The following IRF7 variants were observed in gnomAD, a reference collection of about 807,000 sequenced individuals.
IRF7 encodes the protein interferon regulatory factor-7H.
In IRF7, 67 loss-of-function variants were observed where a neutral mutation model predicts 51.3. The ratio of observed to expected loss-of-function variants is 1.31; its 90% CI spans 1.07 to 1.60. The LOEUF (loss-of-function observed/expected upper bound fraction) is 1.60. Among genes scored for constraint, IRF7 ranks in the 40% most tolerant of loss-of-function variants. The pLI, the probability that IRF7 is intolerant of heterozygous loss-of-function variation, is 0.00. For missense variants in IRF7, 873 were observed against 701.5 expected, an observed-to-expected ratio of 1.24 and a Z score of -2.76; for synonymous variants, 427 against 301.3, an observed-to-expected ratio of 1.42 and a Z score of -4.32.
chr11:613,746 T>C, intron 8 of IRF7, 39 bp downstream of exon 8: 2 of 866,976 alleles, frequency 2.3e-6, no homozygotes, highest in Non-Finnish European at 2.9e-6. Flanking sequence ...GTGACGGGGG[T>C]GGGCGGGGAC....
rs545822500 is a variant in IRF7, at chr11:614,939, C to G, written c.252G>C (p.Glu84Asp). 1.3e-6 allele frequency: 2 copies of G among 1,577,342 alleles called. No homozygotes were observed. Among genetic ancestry groups the G allele is most frequent in the African/African-American group, 2.7e-5 (2 of 74,274 alleles). ...TTTTCCAGCCGGCGCGCTCCGCAGTCTCAGCCTCGGGGGGCGGGCCACCTC... is the reference window on the plus strand; with the variant it reads ...TTTTCCAGCCGGCGCGCTCCGCAGTGTCAGCCTCGGGGGGCGGGCCACCTC... ...SRGGGPPPEA[E>D]TAERAGWKTN... The change falls in exon 4 of 11, where the codon GAG becomes GAC. Residue 84 changes from glutamate to aspartate, a missense_variant. Physicochemically the swap from Glu to Asp is conservative, Grantham distance 45 (BLOSUM62 2). Transcript: ENST00000525445.
rs1464598658 is a variant in IRF7 at position 613,485 on chromosome 11, C to T, written c.958G>A (p.Ala320Thr). ...TGCTGGGGGTCTGTGGCCCGGACAG[C>T]TGGGTCTGGGGGGCCGTATAGGAAC... ...CTFLYGPPDP[A>T]VRATDPQQVA... is the part of the protein sequence containing the mutation. Residue 320 changes from alanine (A) to threonine (T), a missense_variant, in exon 9 of 11, where the codon GCT (alanine) becomes ACT (threonine). By Grantham distance (58) the Ala-to-Thr change is moderately conservative. Transcript: ENST00000525445. 1 of 1,542,908 alleles carries T rather than the reference C, an allele frequency of 6.5e-7. No individual in the cohort carries two copies. Among genetic ancestry groups the T allele is most frequent in the Admixed American group, 2.0e-5 (1 of 49,168 alleles).
chr11:614,335 G>A lies in IRF7; in HGVS notation c.518C>T (p.Pro173Leu), dbSNP rs758907143. The stretch of plus-strand genomic sequence containing the variant: ...GTCCCCCTTGTCACCAGCTGGGGCA[G>A]GGAGGGGGCCTGGGGCTTGGAGTCC... ...HAGLQAPGPL[P>L]APAGDKGDLL... Residue 173 changes from proline (P) to leucine (L), a missense_variant, in exon 6 of 11, where the codon CCT (proline) becomes CTT (leucine). By Grantham distance (98) the Pro-to-Leu change is moderately conservative. Coordinates refer to ENST00000525445, the MANE Select transcript of IRF7 (RefSeq NM_001572.5). 2 of 1,611,118 alleles carry A rather than the reference G, an allele frequency of 1.2e-6. No homozygotes were observed. Among genetic ancestry groups the A allele is most frequent in the East Asian group, 4.5e-5 (2 of 44,854 alleles).
At chr11:614,717 C>T in intron 4 of IRF7, 80 bp downstream of exon 4, 1 of 1,464,526 alleles carries the variant, frequency 6.8e-7, no homozygotes, top group South Asian at 1.3e-5. Flanking sequence ...GCTTCTAAAA[C>T]CACAAATCTG....
At position 613,807 on chromosome 11, in the gene IRF7, T is replaced by TG. The variant is rs1407707198; in HGVS notation, c.824dup (p.Ser276LysfsTer126). ...CACCTTGCACCGCGGTGCAGGCGCTTGGGGAGGGTGACAGGTACGGCTCTG... is the reference window on the plus strand; with the variant it reads ...CACCTTGCACCGCGGTGCAGGCGCTTGGGGGAGGGTGACAGGTACGGCTCTG... On this transcript the variant is annotated frameshift_variant, in exon 8 of 11. Coordinates refer to ENST00000525445, the MANE Select transcript of IRF7 (RefSeq NM_001572.5). LOFTEE classifies it high-confidence loss of function. 6.4e-7 allele frequency: 1 copy of TG among 1,573,782 alleles called. No homozygotes were observed. The highest frequency in any genetic ancestry group is 8.6e-7 in the Non-Finnish European group (1 of 1,167,892).
chr11:613,773 G>C lies in IRF7; in HGVS notation c.847+12C>G, dbSNP rs778859679. ...GGCGGGGACAGGCTGCCCCTTCCTG[G>C]GATGCACTCACCTTGCACCGCGGTG... On this transcript the variant is annotated intron_variant, in intron 8 of 10. Coordinates refer to ENST00000525445, the MANE Select transcript of IRF7 (RefSeq NM_001572.5). 1 of 1,537,692 alleles carries C rather than the reference G, an allele frequency of 6.5e-7. No homozygotes were observed. The highest frequency in any genetic ancestry group is 1.4e-5 in the African/African-American group (1 of 71,686).
intron 10 of IRF7, 41 bp downstream of exon 10, chr11:612,958 C>T (rs749532271): frequency 6.9e-6 from 11 of 1,601,426 alleles, no homozygotes; most frequent in African/African-American, 4.0e-5. Flanking sequence ...TGTCAGTGGG[C>T]CTGAGCACAT....
rs746896151 is a variant in IRF7, at chr11:614,856, G to T, written c.335C>A (p.Ser112Ter). The change falls in exon 4 of 11, where the codon TCG becomes TAG. Residue 112 changes from serine (S) to a stop codon, truncating the protein, a stop_gained. Transcript: ENST00000525445. LOFTEE classifies it high-confidence loss of function. Reference protein sequence around the residue: ...TRRFVMLRDNSGDPADPHKVY... With the variant: ...TRRFVMLRDN Reference sequence around the variant, plus strand: ...CTTGTGCGGGTCGGCCGGGTCCCCCGAGTTATCCCGCAGCATCACGAAGCG... The same window carrying T: ...CTTGTGCGGGTCGGCCGGGTCCCCCTAGTTATCCCGCAGCATCACGAAGCG... The T allele has an allele frequency of 6.4e-7, 1 of 1,570,554 alleles. No homozygotes were observed. Among genetic ancestry groups the T allele is most frequent in the East Asian group, 2.4e-5 (1 of 41,990 alleles).
chr11:615,235 T>C lies in IRF7; in HGVS notation c.45A>G (p.Gly15=), dbSNP rs1856771954. 2.5e-6 allele frequency: 4 copies of C among 1,590,716 alleles called. No homozygotes were observed. The South Asian group carries it at 4.5e-5, about 18-fold the overall frequency. ...PERAAPRVLF[G]EWLLGEISSG... ...TGCTGATCTCTCCAAGGAGCCACTC[T>C]CCGAACAGCACGCGTGGGGCTGCCC... Residue 15 remains glycine, a synonymous_variant, in exon 3 of 11, where the codon GGA becomes GGG. Coordinates refer to ENST00000525445, the MANE Select transcript of IRF7 (RefSeq NM_001572.5).
rs1856544445 is a variant in IRF7, at chr11:613,199, C to T, written c.1237+7G>A. ...GAGACAGCCCCCCAGGCAAGGGCCT[C>T]ACTGACCTTGGAAGAAGACTCTGAA... On this transcript the variant is annotated splice_region_variant and intron_variant, in intron 9 of 10. Coordinates refer to ENST00000525445, the MANE Select transcript of IRF7 (RefSeq NM_001572.5). 6.3e-7 allele frequency: 1 copy of T among 1,590,472 alleles called. No homozygotes were observed. The highest frequency in any genetic ancestry group is 1.1e-5 in the South Asian group (1 of 89,124).
chr11:614,213 C>T lies in IRF7; in HGVS notation c.640G>A (p.Gly214Arg), dbSNP rs2133142034. Residue 214 changes from glycine (G) to arginine (R), a missense_variant, in exon 6 of 11, where the codon GGA (glycine) becomes AGA (arginine). Transcript: ENST00000525445. ...CCAGTCAGGGGAAGCCCTTCTTGTC[C>T]CTCTCCAGGAGCCTTGGTTGGGACT... ...DPVPTKAPGE[G>R]QEGLPLTGAC... The T allele has an allele frequency of 8.7e-6, 14 of 1,613,038 alleles. No individual in the cohort carries two copies. Among genetic ancestry groups the T allele is most frequent in the Non-Finnish European group, 1.1e-5 (13 of 1,179,934 alleles).
In IRF7 at chr11:613,573, G is replaced by C. The variant is rs1259533157; in HGVS notation, c.870C>G (p.Asp290Glu). The C allele has an allele frequency of 1.3e-6, 2 of 1,573,532 alleles. No individual in the cohort carries two copies. The highest frequency in any genetic ancestry group is 1.7e-6 in the Non-Finnish European group (2 of 1,162,448). ...TGCGGCCCTTGTACATGATGGTCAC[G>C]TCCAGCGCCCCTGGGCTGGGCTCTG... ...AVQEPSPGAL[D>E]VTIMYKGRTV... The change falls in exon 9 of 11, where the codon GAC (aspartate) becomes GAG (glutamate). Residue 290 changes from aspartate to glutamate, a missense_variant. Physicochemically the swap from Asp to Glu is conservative, Grantham distance 45. Transcript: ENST00000525445.
Position 613,428 on chromosome 11 carries a change from C to G in IRF7, c.1015G>C (p.Asp339His), listed in dbSNP as rs369518038. The G allele has an allele frequency of 2.8e-5, 44 of 1,563,338 alleles. No individual in the cohort carries two copies. The highest frequency in any genetic ancestry group is 3.8e-5 in the Non-Finnish European group (44 of 1,154,836). The change falls in exon 9 of 11, where the codon GAC becomes CAC. Residue 339 changes from aspartate (D) to histidine (H), a missense_variant. Coordinates refer to ENST00000525445, the MANE Select transcript of IRF7 (RefSeq NM_001572.5). The stretch of plus-strand genomic sequence containing the variant: ...TCCGTGTAGCGCAGCTGCTTCTGGT[C>G]CGGGAGCTCGGCAGGGCTGGGGAAT... ...VAFPSPAELP[D>H]QKQLRYTEEL...
At chr11:614,666 C>T (rs1425008230) in intron 4 of IRF7, 131 bp downstream of exon 4, 1 of 1,391,688 alleles carries the variant, frequency 7.2e-7, no homozygotes. Flanking sequence ...GGATGTGGCT[C>T]TCCACCTGTC....
chr11:614,118 C>G (rs1856663122), intron 6 of IRF7, 56 bp downstream of exon 6: 2 of 1,584,100 alleles, frequency 1.3e-6, no homozygotes, highest in Admixed American at 1.7e-5. Context: ...TCTAAAGTGT[C>G]CGTCCAGGTG....
At position 612,638 on chromosome 11, in the gene IRF7, C is replaced by T. The variant is rs761640215; in HGVS notation, c.*7G>A. On this transcript the variant is annotated 3_prime_UTR_variant, in exon 11 of 11. Transcript: ENST00000525445. ...CCAGCTTTCTGGAGTTCTCATTAGA[C>T]TGGGTTCTAGGCGGGCTGCTCCAGC... 1.2e-6 allele frequency: 2 copies of T among 1,612,356 alleles called. No homozygotes were observed. Among genetic ancestry groups the T allele is most frequent in the African/African-American group, 2.7e-5 (2 of 75,030 alleles).
At chr11:613,688 T>C in intron 8 of IRF7, 93 bp from the exon 9 acceptor site, 1 of 164,548 alleles carries the variant, frequency 6.1e-6, no homozygotes, top group East Asian at 1.7e-4. Flanking sequence ...GTGACGGGGG[T>C]GGGCGGGGAC....
chr11:614,535 C>G lies in IRF7; in HGVS notation c.395-1G>C. The G allele has an allele frequency of 6.4e-7, 1 of 1,552,828 alleles. No homozygotes were observed. The highest frequency in any genetic ancestry group is 1.2e-5 in the South Asian group (1 of 84,212). Reference sequence around the variant, plus strand: ...TCAGTCTGGTCCGTGCCTGGGCCTTCTGAGAGAGAATGGGGCAGGCGTTAG... The same window carrying G: ...TCAGTCTGGTCCGTGCCTGGGCCTTGTGAGAGAGAATGGGGCAGGCGTTAG... On this transcript the variant is annotated splice_acceptor_variant, in intron 4 of 10. Coordinates refer to ENST00000525445, the MANE Select transcript of IRF7 (RefSeq NM_001572.5). LOFTEE classifies it high-confidence loss of function.
chr11:615,582 G>T lies in IRF7; in HGVS notation c.-218C>A, dbSNP rs979894804. 2 of 503,638 alleles carry T rather than the reference G, an allele frequency of 4.0e-6. No homozygotes were observed. The highest frequency in any genetic ancestry group is 6.9e-6 in the Non-Finnish European group (2 of 290,772). 31.2% of individuals were successfully genotyped at this position (503,638 alleles called of 1,614,324 possible). A position where few individuals can be genotyped will look rare whatever the true frequency, so the allele number is the denominator to read the frequency against. On this transcript the variant is annotated 5_prime_UTR_variant, in exon 2 of 11. Transcript: ENST00000525445. Reference sequence around the variant, plus strand: ...AGGTGTGACTGCAGGTGTGGCCGGCGCGCACACATGAAGTCACAGGTGTTG... The same window carrying T: ...AGGTGTGACTGCAGGTGTGGCCGGCTCGCACACATGAAGTCACAGGTGTTG...
Sources: allele counts gnomAD v4.1 joint callset, GRCh38; gene constraint gnomAD v4.1.1; transcripts MANE v1.5; gene names NCBI Gene and HGNC (gene_info 2026-07-23, HGNC 2026-07-21).